Variants in ELP4 observed in about 807,000 individuals in gnomAD.
ELP4 encodes elongator complex protein 4.
ELP4 carries 51 observed loss-of-function variants against 48.9 expected under a neutral mutation model. The observed-to-expected ratio is 1.04, with a 90% CI of 0.83 to 1.32. The LOEUF is 1.32. Among genes scored for constraint, ELP4 ranks in the 40% most tolerant of loss-of-function variants. The pLI is 0.00. For synonymous variants in ELP4, 210 were observed against 189.2 expected (o/e 1.11, Z -0.90); for missense variants, 519 against 514.6 (o/e 1.01, Z -0.08).
At chr11:31,686,656 G>A (rs1018467766) in intron 9 of ELP4, among the ~76,000 whole-genome samples, 3 of 152,052 alleles carry the variant, frequency 2.0e-5, no homozygotes, top group Non-Finnish European at 4.4e-5. Flanking sequence ...CATGGCAGGC[G>A]GATTACTTGA....
rs1025733683 is a variant in ELP4 at position 31,783,500 on chromosome 11, A to T, written c.1251A>T (p.Gly417=). The change falls in exon 10 of 10, where the codon GGA becomes GGT. Residue 417 remains glycine, a synonymous_variant. Coordinates refer to ENST00000640961, the MANE Select transcript of ELP4 (RefSeq NM_019040.5). ...GCCCAGGCTGTGGCATGATGGCCGG[A>T]GGCAAGAAGCACCTGGACTTCTAGG... ...RLGPGCGMMA[G]GKKHLDF is the part of the protein sequence containing the mutation. 5.0e-6 allele frequency: 8 copies of T among 1,614,134 alleles called. No individual in the cohort carries two copies. Among genetic ancestry groups the T allele is most frequent in the Non-Finnish European group, 6.8e-6 (8 of 1,179,972 alleles).
In ELP4 at chr11:31,583,414, G is replaced by A. The variant is rs75259586; in HGVS notation, c.382-11356G>A. Among the ~76,000 whole-genome samples the A allele has an allele frequency of 3.7e-3, 566 of 152,180 alleles. 28 individuals are homozygous for A. In the East Asian group the frequency reaches 0.098, roughly 26 times the overall value. On this transcript the variant is annotated intron_variant, in intron 3 of 9. Coordinates refer to ENST00000640961, the MANE Select transcript of ELP4 (RefSeq NM_019040.5). The stretch of plus-strand genomic sequence containing the variant: ...AACAACCTAAATTTCTAACAGTAGA[G>A]AAATGATAAACTCCACAAAAGATTA...
chr11:31,684,465 C>T lies in ELP4; in HGVS notation c.1143+34244C>T, dbSNP rs1036207359. On this transcript the variant is annotated intron_variant, in intron 9 of 9. Transcript: ENST00000640961. ...CAAGTGATGCACTTATCTCGGCCTC[C>T]CAAAGTGCTGGGATTAAAGGCATGA... 2.0e-5 allele frequency among the ~76,000 whole-genome samples: 3 copies of T among 152,266 alleles called. No homozygotes were observed. The East Asian group carries it at 5.8e-4, about 29-fold the overall frequency.
At chr11:31,551,141 T>G (rs1956843054) in intron 3 of ELP4, among the ~76,000 whole-genome samples, 1 of 152,194 alleles carries the variant, frequency 6.6e-6, no homozygotes, top group Non-Finnish European at 1.5e-5. Context: ...CAACTTTAAT[T>G]TTTTAGTCAG....
At chr11:31,653,844 TC>T (rs1414990774) in intron 9 of ELP4, 1 of 151,752 alleles carries the variant, frequency 6.6e-6, no homozygotes, top group East Asian at 1.9e-4. Context: ...TTTCTTAGCT[TC>T]TGTAATTTTT....
chr11:31,634,168 A>C (rs1944924646), intron 7 of ELP4: 1 of 152,024 alleles, frequency 6.6e-6, no homozygotes, highest in Admixed American at 6.6e-5. Flanking sequence ...ACTATATCCT[A>C]TGTGTCCTGA....
intron 9 of ELP4, among the ~76,000 whole-genome samples, chr11:31,705,094 G>T (rs1462024650): frequency 6.6e-6 from 1 of 151,764 alleles, no homozygotes; most frequent in Non-Finnish European, 1.5e-5. Context: ...TCCATTTTTG[G>T]TTGCTATAAT....
chr11:31,522,751 C>T (rs1441961783), intron 2 of ELP4, among the ~76,000 whole-genome samples: 1 of 152,002 alleles, frequency 6.6e-6, no homozygotes, highest in Admixed American at 6.6e-5. Context: ...CTTCAGCCAA[C>T]AATTATATCA....
chr11:31,689,121 G>C (rs1040793221), intron 9 of ELP4: 1 of 152,062 alleles, frequency 6.6e-6, no homozygotes, highest in African/African-American at 2.4e-5. Context: ...TTAGTATCTT[G>C]TCCTGTGAGA....
intron 5 of ELP4, among the ~76,000 whole-genome samples, chr11:31,626,820 T>C (rs1429888096): frequency 6.6e-6 from 1 of 151,880 alleles, no homozygotes; most frequent in African/African-American, 2.4e-5. Flanking sequence ...CATTAAATCA[T>C]TAATTTTCTT....
chr11:31,584,408 T>TAA (rs1957439503), intron 3 of ELP4, among the ~76,000 whole-genome samples: 1 of 152,084 alleles, frequency 6.6e-6, no homozygotes, highest in South Asian at 2.1e-4. Flanking sequence ...GCAGTAACAT[T>TAA]AATATGATTT....
At chr11:31,591,260 G>T (rs1957564684) in intron 3 of ELP4, among the ~76,000 whole-genome samples, 1 of 151,796 alleles carries the variant, frequency 6.6e-6, no homozygotes, top group African/African-American at 2.4e-5. Context: ...CAAAAAATTA[G>T]CCAGGCGTGG....
chr11:31,636,071 G>C (rs550513430), intron 7 of ELP4, among the ~76,000 whole-genome samples: 2 of 152,142 alleles, frequency 1.3e-5, no homozygotes, highest in South Asian at 4.1e-4. Context: ...TTGAATGACT[G>C]TGGGTAAGTT....
intron 3 of ELP4, among the ~76,000 whole-genome samples, chr11:31,581,076 T>TA (rs1197846391): frequency 1.3e-5 from 2 of 152,216 alleles, no homozygotes; most frequent in South Asian, 2.1e-4. Flanking sequence ...CTATATGAAT[T>TA]ACGAATTCAT....
chr11:31,687,884 C>T (rs1946195403), intron 9 of ELP4, among the ~76,000 whole-genome samples: 1 of 152,106 alleles, frequency 6.6e-6, no homozygotes, highest in Non-Finnish European at 1.5e-5. Flanking sequence ...TACCCCCAAA[C>T]CAAATTAAGT....
At chr11:31,517,268 A>G (rs371315913) in intron 1 of ELP4, among the ~76,000 whole-genome samples, 25 of 151,336 alleles carry the variant, frequency 1.7e-4, no homozygotes, top group East Asian at 5.9e-4. Context: ...ACTGCAACCT[A>G]TGACTCCTGG....
chr11:31,512,765 T>A (rs923694465), intron 1 of ELP4, among the ~76,000 whole-genome samples: 3 of 152,010 alleles, frequency 2.0e-5, no homozygotes, highest in Non-Finnish European at 4.4e-5. Flanking sequence ...ACTAAAGAAT[T>A]CTGGCAGAAA....
chr11:31,618,479 C>T (rs1944543574), intron 5 of ELP4, among the ~76,000 whole-genome samples: 1 of 152,048 alleles, frequency 6.6e-6, no homozygotes, highest in Non-Finnish European at 1.5e-5. Flanking sequence ...GGACTGAACT[C>T]ACCCTTTTGT....
At position 31,603,856 on chromosome 11, in the gene ELP4, A is replaced by G. The variant is rs756188996; in HGVS notation, c.602A>G (p.His201Arg). Reference sequence around the variant, plus strand: ...GAACTAATTGAGGCTTCAAATTGGCATGGATTTTTTCTTCCAGAGAAAATA... The same window carrying G: ...GAACTAATTGAGGCTTCAAATTGGCGTGGATTTTTTCTTCCAGAGAAAATA... ...PQELIEASNW[H>R]GFFLPEKISS... The change falls in exon 5 of 10, where the codon CAT becomes CGT. Residue 201 changes from histidine to arginine, a missense_variant. Transcript: ENST00000640961. 2 of 1,611,910 alleles carry G rather than the reference A, an allele frequency of 1.2e-6. No homozygotes were observed. The highest frequency in any genetic ancestry group is 1.3e-5 in the African/African-American group (1 of 74,988).
Sources: allele counts gnomAD v4.1 joint callset (sites outside exome capture counted in the v4.1 genomes callset), GRCh38; gene constraint gnomAD v4.1.1; transcripts MANE v1.5; gene names NCBI Gene and HGNC (gene_info 2026-07-23, HGNC 2026-07-21).